RFX3: variants seen among roughly 807,000 people sequenced by gnomAD.
RFX3 encodes transcription factor RFX3.
In RFX3, 14 loss-of-function variants were observed where a neutral mutation model predicts 98.6. The observed-to-expected ratio is 0.14, with a 90% confidence interval of 0.09 to 0.22. RFX3 has a LOEUF of 0.22. RFX3 is among the 10% of genes least tolerant of loss of function. The probability of loss-of-function intolerance (pLI) is 1.00; values close to 1 mark genes in which losing one functional copy is unlikely to be tolerated. For synonymous variants in RFX3, 383 were observed against 328.4 expected (o/e 1.17, Z -1.80); for missense variants, 639 against 926.9 (o/e 0.69, Z 4.03).
chr9:3,395,931 T>C (rs962360165), intron 1 of RFX3, among the ~76,000 whole-genome samples: 2 of 152,224 alleles, frequency 1.3e-5, no homozygotes, highest in Non-Finnish European at 2.9e-5. Context: ...CAAAATGTTC[T>C]TAATTCTCAG....
intron 1 of RFX3, among the ~76,000 whole-genome samples, chr9:3,401,786 G>A (rs1317718674): frequency 6.6e-6 from 1 of 152,136 alleles, no homozygotes; most frequent in East Asian, 1.9e-4. Flanking sequence ...CCTGTTAACG[G>A]TTCTTCTTTG....
At chr9:3,482,647 T>A (rs539443516) in intron 1 of RFX3, among the ~76,000 whole-genome samples, 2 of 152,332 alleles carry the variant, frequency 1.3e-5, no homozygotes, top group South Asian at 4.1e-4. Flanking sequence ...TACATTTTAT[T>A]CCTTTTTCAA....
chr9:3,422,626 G>C (rs1051681201), intron 1 of RFX3, among the ~76,000 whole-genome samples: 2 of 152,138 alleles, frequency 1.3e-5, no homozygotes, highest in Non-Finnish European at 2.9e-5. Context: ...CAGTTAAGAA[G>C]ACTCCAAAAT....
chr9:3,302,789 G>C (rs570221810), intron 4 of RFX3, among the ~76,000 whole-genome samples: 1 of 151,530 alleles, frequency 6.6e-6, no homozygotes, highest in Admixed American at 6.6e-5. Flanking sequence ...ATTTCTTTAT[G>C]GTAAAACACT....
intron 7 of RFX3, among the ~76,000 whole-genome samples, chr9:3,283,264 G>T (rs10971120): frequency 6.6e-6 from 1 of 151,756 alleles, no homozygotes; most frequent in Non-Finnish European, 1.5e-5. Context: ...ATATTTTTCT[G>T]TAGTGCTCAT....
chr9:3,505,366 T>TATAAA (rs1554728366), intron 1 of RFX3, among the ~76,000 whole-genome samples: 1 of 1,070 alleles, frequency 9.3e-4, no homozygotes, highest in Non-Finnish European at 4.1e-3. Context: ...TTTATATAAA[T>TATAAA]ATAAAATATT....
intron 1 of RFX3, among the ~76,000 whole-genome samples, chr9:3,502,215 C>T (rs1037550137): frequency 1.3e-5 from 2 of 151,148 alleles, no homozygotes; most frequent in African/African-American, 4.9e-5. Context: ...GCCCACATCA[C>T]GCACTGCACT....
chr9:3,495,341 A>T (rs1410482409), intron 1 of RFX3, among the ~76,000 whole-genome samples: 1 of 152,092 alleles, frequency 6.6e-6, no homozygotes, highest in African/African-American at 2.4e-5. Flanking sequence ...CAAGTGGTCA[A>T]CTGTACTGTA....
rs529699782 is a variant in RFX3 at position 3,255,097 on chromosome 9, G to A, written c.1814+1894C>T. On this transcript the variant is annotated intron_variant, in intron 14 of 16. Coordinates refer to ENST00000617270, the MANE Select transcript of RFX3 (RefSeq NM_001282116.2). ...GACACTAGACAGCTATTTTCAGGAC[G>A]TAAGGATAATTTAACTCTTATGAAA... Among the ~76,000 whole-genome samples the A allele has an allele frequency of 6.6e-5, 10 of 152,318 alleles. No homozygotes were observed. In the South Asian group the frequency reaches 1.4e-3, roughly 22 times the overall value.
chr9:3,484,235 AC>A lies in RFX3; in HGVS notation c.-9+41511del, dbSNP rs1311867047. On this transcript the variant is annotated intron_variant, in intron 1 of 16. Transcript: ENST00000617270. ...ATATAAAAGATCATGGATATATAGA[AC>A]CTACTGCCCTCGGAGACAGCACATA... 2.0e-5 allele frequency among the ~76,000 whole-genome samples: 3 copies of A among 152,328 alleles called. No individual in the cohort carries two copies. The East Asian group carries it at 5.8e-4, about 29-fold the overall frequency.
intron 1 of RFX3, among the ~76,000 whole-genome samples, chr9:3,486,546 T>G (rs1017535093): frequency 6.6e-6 from 1 of 152,332 alleles, no homozygotes; most frequent in African/African-American, 2.4e-5. Flanking sequence ...AACTGCTTTA[T>G]GTCCAGAATA....
At chr9:3,388,512 T>C (rs1271201550) in intron 2 of RFX3, among the ~76,000 whole-genome samples, 3 of 152,090 alleles carry the variant, frequency 2.0e-5, no homozygotes, top group Admixed American at 6.6e-5. Context: ...GAAACCAATA[T>C]AGCCAACTAG....
At chr9:3,426,059 A>G (rs867177016) in intron 1 of RFX3, among the ~76,000 whole-genome samples, 25 of 152,206 alleles carry the variant, frequency 1.6e-4, no homozygotes, top group African/African-American at 6.0e-4. Flanking sequence ...TCTTTTTTAA[A>G]TATACTATAC....
At chr9:3,386,788 C>T (rs1266062963) in intron 2 of RFX3, among the ~76,000 whole-genome samples, 2 of 151,986 alleles carry the variant, frequency 1.3e-5, no homozygotes, top group Non-Finnish European at 2.9e-5. Context: ...ACTGAACATA[C>T]AAAAAGGAAA....
intron 4 of RFX3, among the ~76,000 whole-genome samples, chr9:3,316,538 A>G (rs1830614372): frequency 6.6e-6 from 1 of 152,212 alleles, no homozygotes; most frequent in Non-Finnish European, 1.5e-5. Context: ...CAATCAGGCA[A>G]GAGAAAGAAA....
chr9:3,383,637 G>A (rs903222450), intron 2 of RFX3, among the ~76,000 whole-genome samples: 4 of 152,106 alleles, frequency 2.6e-5, no homozygotes, highest in Non-Finnish European at 5.9e-5. Context: ...GACAAAGAGA[G>A]TGGCTCCAGT....
At chr9:3,363,962 G>A (rs1224178116) in intron 2 of RFX3, among the ~76,000 whole-genome samples, 3 of 152,308 alleles carry the variant, frequency 2.0e-5, no homozygotes, top group South Asian at 2.1e-4. Context: ...TGCAGCCTCC[G>A]CCTCCCGGAT....
At chr9:3,315,549 CACA>C (rs1383123446) in intron 4 of RFX3, among the ~76,000 whole-genome samples, 1 of 147,370 alleles carries the variant, frequency 6.8e-6, no homozygotes, top group African/African-American at 2.5e-5. Flanking sequence ...GAGATAGACA[CACA>C]AAAAAACCCT....
At chr9:3,398,930 A>AAAT (rs1564048475) in intron 1 of RFX3, among the ~76,000 whole-genome samples, 196 of 150,006 alleles carry the variant, frequency 1.3e-3, no homozygotes, top group African/African-American at 4.7e-3. Context: ...AAAAAAAAAA[A>AAAT]AAAAAAAAAA....
Sources: gnomAD v4.1 joint callset for allele counts (sites outside exome capture counted in the v4.1 genomes callset) on GRCh38, gnomAD v4.1.1 for gene constraint, MANE v1.5 for transcripts, NCBI Gene and HGNC (gene_info 2026-07-23, HGNC 2026-07-21) for gene names.